FER1L5: variants seen among roughly 807,000 people sequenced by gnomAD.
FER1L5 encodes fer-1 like family member 5, also known as fer-1-like protein 5.
A neutral mutation model predicts 279.9 loss-of-function variants in FER1L5; 187 were observed. The observed-to-expected ratio is 0.67, with a 90% CI of 0.59 to 0.75. FER1L5 has a LOEUF of 0.75. FER1L5 is among the 30% of genes least tolerant of loss of function. The pLI, the probability that FER1L5 is intolerant of heterozygous loss-of-function variation, is 0.00. For synonymous variants in FER1L5, 921 were observed against 989.7 expected, an observed-to-expected ratio of 0.93 and a Z score of 1.30; for missense variants, 2,091 against 2,594.4, an observed-to-expected ratio of 0.81 and a Z score of 4.21.
At chr2:96,679,354 G>C (rs991454551) in intron 19 of FER1L5, among the ~76,000 whole-genome samples, 1 of 152,076 alleles carries the variant, frequency 6.6e-6, no homozygotes, top group Admixed American at 6.6e-5. Context: ...CTCCTGAGTA[G>C]CTGAGATTAC....
intron 13 of FER1L5, among the ~76,000 whole-genome samples, chr2:96,662,896 C>T (rs2076004365): frequency 6.6e-6 from 1 of 152,148 alleles, no homozygotes; most frequent in African/African-American, 2.4e-5. Flanking sequence ...TGGGTACCCC[C>T]AAAGCTAGGT....
At chr2:96,659,196 G>C (rs1400117234) in intron 9 of FER1L5, among the ~76,000 whole-genome samples, 1 of 152,002 alleles carries the variant, frequency 6.6e-6, no homozygotes. Flanking sequence ...GCCTCCCAAA[G>C]TGCTGGGATT....
At position 96,691,804 on chromosome 2, in the gene FER1L5, G is replaced by A. The variant is rs966470390; in HGVS notation, c.3076-21G>A. The A allele has an allele frequency of 3.9e-6, 6 of 1,551,544 alleles. No homozygotes were observed. Among genetic ancestry groups the A allele is most frequent in the South Asian group, 3.6e-5 (3 of 84,068 alleles). ...CAGGAGCAGCACCCAAGAGCCTCAGGGGAGACTGTCCTGGGTACAGGCTAT... is the reference window on the plus strand; with the variant it reads ...CAGGAGCAGCACCCAAGAGCCTCAGAGGAGACTGTCCTGGGTACAGGCTAT... On this transcript the variant is annotated intron_variant, in intron 29 of 52. Transcript: ENST00000624922. The surrounding 1 kb of genome is among the most constrained non-coding windows in gnomAD (Gnocchi z 6.0).
Position 96,698,665 on chromosome 2 carries a change from C to G in FER1L5, c.4357-6C>G, listed in dbSNP as rs760428701. ...GGCTGGGCCCCCAACACCCTCCCCC[C>G]GCCAGGGCCTTTTCCGCATCTACCC... On this transcript the variant is annotated splice_polypyrimidine_tract_variant and splice_region_variant and intron_variant, in intron 40 of 52. Coordinates refer to ENST00000624922, the MANE Select transcript of FER1L5 (RefSeq NM_001293083.2). The surrounding 1 kb of genome is among the most constrained non-coding windows in gnomAD (Gnocchi z 5.5). The G allele has an allele frequency of 1.3e-5, 20 of 1,578,964 alleles. No individual in the cohort carries two copies. In the South Asian group the frequency reaches 1.3e-4, roughly 10 times the overall value.
Position 96,698,902 on chromosome 2 carries a change from C to T in FER1L5, c.4518+70C>T. On this transcript the variant is annotated intron_variant, in intron 41 of 52. Coordinates refer to ENST00000624922, the MANE Select transcript of FER1L5 (RefSeq NM_001293083.2). The surrounding 1 kb of genome is among the most constrained non-coding windows in gnomAD (Gnocchi z 5.5). ...CTCAACCCATCTCTGGGAGCCCCCTCCGACTGCTGACACACAGAATGCCAA... is the reference window on the plus strand; with the variant it reads ...CTCAACCCATCTCTGGGAGCCCCCTTCGACTGCTGACACACAGAATGCCAA... 4 of 1,537,294 alleles carry T rather than the reference C, an allele frequency of 2.6e-6. No homozygotes were observed. The highest frequency in any genetic ancestry group is 3.5e-6 in the Non-Finnish European group (4 of 1,135,448).
rs766416016 is a variant in FER1L5 at position 96,691,798 on chromosome 2, C to T, written c.3076-27C>T. The T allele has an allele frequency of 1.9e-6, 3 of 1,551,662 alleles. No homozygotes were observed. The South Asian group carries it at 3.6e-5, about 18-fold the overall frequency. ...AGGAAACAGGAGCAGCACCCAAGAG[C>T]CTCAGGGGAGACTGTCCTGGGTACA... On this transcript the variant is annotated intron_variant, in intron 29 of 52. Transcript: ENST00000624922. The surrounding 1 kb of genome is among the most constrained non-coding windows in gnomAD (Gnocchi z 6.0).
In FER1L5 at chr2:96,661,459, C is replaced by A; in HGVS notation, c.894+19C>A. The A allele has an allele frequency of 1.9e-6, 3 of 1,549,218 alleles. No homozygotes were observed. The highest frequency in any genetic ancestry group is 2.6e-6 in the Non-Finnish European group (3 of 1,145,388). On this transcript the variant is annotated intron_variant, in intron 11 of 52. Transcript: ENST00000624922. ...GGCCCTGGTGAGCTGCCCCTAACCC[C>A]GGAAACTTTCCTATCCTGGCTGCCT...
In FER1L5 at chr2:96,691,881, G is replaced by T. The variant is rs1263595036; in HGVS notation, c.3132G>T (p.Trp1044Cys). Residue 1044 changes from tryptophan (W) to cysteine (C), a missense_variant, in exon 30 of 53, where the codon TGG (tryptophan) becomes TGT (cysteine). Trp to Cys is a radical substitution (Grantham distance 215). Transcript: ENST00000624922. This position sits in a 1 kb window ranked among gnomAD's most constrained non-coding sequence, Gnocchi z 6.0. ...GKEEDSKTWP[W>C]GLDRQFRDPQ... ...AAGAGGACAGCAAGACATGGCCATG[G>T]GGTCTGGACAGACAGTTCAGGGACC... 1 of 1,551,512 alleles carries T rather than the reference G, an allele frequency of 6.4e-7. No homozygotes were observed.
intron 18 of FER1L5, among the ~76,000 whole-genome samples, chr2:96,670,980 G>C (rs1443819520): frequency 2.6e-5 from 4 of 151,312 alleles, no homozygotes; most frequent in South Asian, 4.2e-4. Flanking sequence ...GGTGGCTTGC[G>C]CCTGTAGTCC....
At chr2:96,646,296 C>A in intron 1 of FER1L5, 105 bp from the exon 2 acceptor site, 2 of 1,267,072 alleles carry the variant, frequency 1.6e-6, no homozygotes, top group Non-Finnish European at 2.2e-6. Context: ...CCATGCCCGG[C>A]CGACTTGAAG....
chr2:96,689,733 C>CTGCCGCCATCCCAA lies in FER1L5; in HGVS notation c.2616_2629dup (p.Asn877MetfsTer9), dbSNP rs2077068322. Reference sequence around the variant, plus strand: ...CGTGACACCAGAGGGGCCTGGGGGCCTGCCGCCATCCCAAACACAGACGTG... The same window carrying CTGCCGCCATCCCAA: ...CGTGACACCAGAGGGGCCTGGGGGCCTGCCGCCATCCCAATGCCGCCATCCCAAACACAGACGTG... On this transcript the variant is annotated frameshift_variant, in exon 26 of 53. Coordinates refer to ENST00000624922, the MANE Select transcript of FER1L5 (RefSeq NM_001293083.2). LOFTEE classifies it high-confidence loss of function. This position sits in a 1 kb window ranked among gnomAD's most constrained non-coding sequence, Gnocchi z 4.6. 6.5e-7 allele frequency: 1 copy of CTGCCGCCATCCCAA among 1,550,308 alleles called. No individual in the cohort carries two copies. Among genetic ancestry groups the CTGCCGCCATCCCAA allele is most frequent in the Non-Finnish European group, 8.7e-7 (1 of 1,146,634 alleles).
Position 96,704,513 on chromosome 2 carries a change from C to A in FER1L5, c.5995C>A (p.Pro1999Thr). ...SWIKPQLQLY[P>T]PIKIFNIINS... ...GATCAAACCTCAACTTCAGCTGTAT[C>A]CTCCCATTAAAATATTCAATATCAT... The change falls in exon 53 of 53, where the codon CCT becomes ACT. Residue 1999 changes from proline (P) to threonine (T), a missense_variant. Coordinates refer to ENST00000624922, the MANE Select transcript of FER1L5 (RefSeq NM_001293083.2). 1 of 1,613,886 alleles carries A rather than the reference C, an allele frequency of 6.2e-7. No homozygotes were observed. Among genetic ancestry groups the A allele is most frequent in the Non-Finnish European group, 8.5e-7 (1 of 1,179,882 alleles).
chr2:96,654,635 C>T (rs899719025), intron 9 of FER1L5, 139 bp downstream of exon 9: 19 of 381,718 alleles, frequency 5.0e-5, no homozygotes, highest in Admixed American at 2.3e-4. Flanking sequence ...TGCAGTGGCT[C>T]GCACCTGTAA....
At chr2:96,651,295 C>CTTTCTT (rs1553446693) in intron 6 of FER1L5, among the ~76,000 whole-genome samples, 2 of 134,488 alleles carry the variant, frequency 1.5e-5, no homozygotes, top group Non-Finnish European at 3.2e-5. Flanking sequence ...TTCTTTCTTT[C>CTTTCTT]TTTCTTCTTT....
At position 96,704,477 on chromosome 2, in the gene FER1L5, G is replaced by A. The variant is rs774648933; in HGVS notation, c.5959G>A (p.Ala1987Thr). ...NFIYSAPHYL[A>T]MSWIKPQLQL... ...TGTCTGTTCTCTCTAGCACTATTTG[G>A]CCATGAGCTGGATCAAACCTCAACT... The change falls in exon 53 of 53, where the codon GCC (alanine) becomes ACC (threonine). Residue 1987 changes from alanine to threonine, a missense_variant. Ala to Thr is a moderately conservative substitution (Grantham distance 58). Transcript: ENST00000624922. 3.1e-6 allele frequency: 5 copies of A among 1,613,874 alleles called. No individual in the cohort carries two copies. The Admixed American group carries it at 8.3e-5, about 27-fold the overall frequency.
intron 51 of FER1L5, 72 bp from the exon 52 acceptor site, chr2:96,704,143 C>T: frequency 6.4e-7 from 1 of 1,560,394 alleles, no homozygotes; most frequent in Non-Finnish European, 8.7e-7. Flanking sequence ...AAAAAGAAAG[C>T]TCTTTGCATC....
chr2:96,669,177 G>T (rs922469058), intron 17 of FER1L5, 40 bp downstream of exon 17: 2 of 1,533,154 alleles, frequency 1.3e-6, no homozygotes, highest in East Asian at 2.5e-5. Context: ...AGTGGAGGTA[G>T]AGCTTCCCCA....
chr2:96,666,647 TTTTA>T (rs1219459629), intron 14 of FER1L5, among the ~76,000 whole-genome samples: 18 of 151,714 alleles, frequency 1.2e-4, no homozygotes, highest in African/African-American at 2.2e-4. Flanking sequence ...GATTTTTTTC[TTTTA>T]TTTATTTATT....
chr2:96,651,188 G>C (rs537085286), intron 6 of FER1L5, among the ~76,000 whole-genome samples: 1 of 152,252 alleles, frequency 6.6e-6, no homozygotes, highest in South Asian at 2.1e-4. Context: ...TCTCCCAGTG[G>C]ATTGTCTGTC....
Sources: allele counts gnomAD v4.1 joint callset (sites outside exome capture counted in the v4.1 genomes callset), GRCh38; gene constraint gnomAD v4.1.1; non-coding constraint Gnocchi (gnomAD v3.1); transcripts MANE v1.5; gene names NCBI Gene and HGNC (gene_info 2026-07-23, HGNC 2026-07-21).